The following FAM76A variants were observed in gnomAD, a reference collection of about 807,000 sequenced individuals.
FAM76A encodes family with sequence similarity 76 member A.
A neutral mutation model predicts 46.2 loss-of-function variants in FAM76A; 32 were observed. The observed-to-expected ratio is 0.69, with a 90% CI of 0.52 to 0.93. The LOEUF is 0.93. FAM76A is among the 40% of genes least tolerant of loss of function. The probability of loss-of-function intolerance (pLI) is 0.00; values close to 1 mark genes in which losing one functional copy is unlikely to be tolerated. For synonymous variants in FAM76A, 137 were observed against 127.0 expected, an observed-to-expected ratio of 1.08 and a Z score of -0.53; for missense variants, 274 against 361.5, an observed-to-expected ratio of 0.76 and a Z score of 1.96.
intron 4 of FAM76A, among the ~76,000 whole-genome samples, chr1:27,742,170 G>T (rs558763234): frequency 6.6e-6 from 1 of 152,252 alleles, no homozygotes; most frequent in South Asian, 2.1e-4. Flanking sequence ...TTCAAGATGA[G>T]GCACAAGATC....
chr1:27,759,662 G>A (rs752340683), intron 8 of FAM76A, 35 bp downstream of exon 8: 2 of 1,424,816 alleles, frequency 1.4e-6, no homozygotes, highest in Non-Finnish European at 2.0e-6. Flanking sequence ...TGCTAAAATT[G>A]TGTACCTACC....
chr1:27,735,301 C>G (rs2088026355), intron 4 of FAM76A, among the ~76,000 whole-genome samples: 1 of 152,224 alleles, frequency 6.6e-6, no homozygotes, highest in Admixed American at 6.5e-5. Context: ...CATAGCATCT[C>G]ACATATCGAA....
chr1:27,744,880 C>T (rs1188093606), intron 5 of FAM76A, 69 bp downstream of exon 5: 1 of 1,455,710 alleles, frequency 6.9e-7, no homozygotes, highest in African/African-American at 1.4e-5. Flanking sequence ...ACATAACCAT[C>T]ATGGTACATA....
Position 27,755,418 on chromosome 1 carries a change from T to A in FAM76A, c.735+88T>A, listed in dbSNP as rs543771022. On this transcript the variant is annotated intron_variant, in intron 7 of 8. Transcript: ENST00000373954. ...CATGATAATAACCCTTTTTAACTGA[T>A]GTTTGTTGAGAGCCTATGTCAAGGT... The A allele has an allele frequency of 2.6e-6, 4 of 1,517,766 alleles. No individual in the cohort carries two copies. The African/African-American group carries it at 4.1e-5, about 16-fold the overall frequency. 94.0% of individuals were successfully genotyped at this position (1,517,766 alleles called of 1,614,324 possible). A position where few individuals can be genotyped will look rare whatever the true frequency, so the allele number is the denominator to read the frequency against.
rs990674826 is a variant in FAM76A, at chr1:27,749,000, A to C, written c.513-68A>C. 1.2e-5 allele frequency: 12 copies of C among 1,033,472 alleles called. No homozygotes were observed. In the African/African-American group the frequency reaches 1.8e-4, roughly 15 times the overall value. The allele number at this position is 1,033,472 out of a possible 1,614,324, so 64.0% of individuals were successfully genotyped here. A position where few individuals can be genotyped will look rare whatever the true frequency, so the allele number is the denominator to read the frequency against. On this transcript the variant is annotated intron_variant, in intron 5 of 8. Coordinates refer to ENST00000373954, the MANE Select transcript of FAM76A (RefSeq NM_152660.3). ...GTCTTAACATTGGTCTATTTGACAG[A>C]CTTTCATTGTGATGTTTTGTTAATC...
intron 6 of FAM76A, among the ~76,000 whole-genome samples, chr1:27,752,944 G>C (rs1023889246): frequency 6.6e-6 from 1 of 152,194 alleles, no homozygotes; most frequent in Non-Finnish European, 1.5e-5. Flanking sequence ...TGGATCACCT[G>C]AGGTCGGGAG....
intron 5 of FAM76A, among the ~76,000 whole-genome samples, chr1:27,748,159 T>C (rs1339183754): frequency 7.2e-6 from 1 of 138,102 alleles, no homozygotes; most frequent in Non-Finnish European, 1.5e-5. Flanking sequence ...GGAGTCTTGC[T>C]CTGTCGCCCA....
chr1:27,738,467 ACT>A (rs1044334528), intron 4 of FAM76A, among the ~76,000 whole-genome samples: 5 of 151,466 alleles, frequency 3.3e-5, no homozygotes, highest in East Asian at 3.9e-4. Flanking sequence ...GCAGAGCAAG[ACT>A]CTGTCTCAAA....
chr1:27,746,871 G>A (rs1045025441), intron 5 of FAM76A, among the ~76,000 whole-genome samples: 1 of 152,136 alleles, frequency 6.6e-6, no homozygotes, highest in African/African-American at 2.4e-5. Flanking sequence ...GATGCCAGGA[G>A]TTTGAAACTA....
At chr1:27,737,026 C>A (rs1007581620) in intron 4 of FAM76A, among the ~76,000 whole-genome samples, 2 of 152,086 alleles carry the variant, frequency 1.3e-5, no homozygotes, top group African/African-American at 2.4e-5. Context: ...CTCGGCTCAC[C>A]ACAACCTCCA....
At chr1:27,756,024 A>G (rs1557788014) in intron 7 of FAM76A, among the ~76,000 whole-genome samples, 3 of 152,222 alleles carry the variant, frequency 2.0e-5, no homozygotes, top group African/African-American at 2.4e-5. Context: ...GGTGCTGAAT[A>G]AGCATAGAGT....
At chr1:27,732,422 T>C (rs1233873853) in intron 2 of FAM76A, among the ~76,000 whole-genome samples, 181 bp from the exon 3 acceptor site, 1 of 152,120 alleles carries the variant, frequency 6.6e-6, no homozygotes, top group Non-Finnish European at 1.5e-5. Flanking sequence ...AGTGAGACTC[T>C]GTCTCAAAAA....
Position 27,762,514 on chromosome 1 carries a change from C to T in FAM76A, c.*1933C>T, listed in dbSNP as rs1288480696. ...TAGCATTCTCATAAATGGAGTCCTA[C>T]ACATAATTGGACAGAGATGTGGAAA... On this transcript the variant is annotated 3_prime_UTR_variant, in exon 9 of 9. Transcript: ENST00000373954. 6.6e-6 allele frequency: 1 copy of T among 152,128 alleles called. No individual in the cohort carries two copies. The highest frequency in any genetic ancestry group is 1.9e-4 in the East Asian group (1 of 5,194). 9.4% of individuals were successfully genotyped at this position (152,128 alleles called of 1,614,324 possible).
Position 27,762,361 on chromosome 1 carries a change from G to T in FAM76A, c.*1780G>T, listed in dbSNP as rs749901307. 2 of 152,162 alleles carry T rather than the reference G, an allele frequency of 1.3e-5. No homozygotes were observed. The highest frequency in any genetic ancestry group is 2.4e-5 in the African/African-American group (1 of 41,440). 9.4% of individuals were successfully genotyped at this position (152,162 alleles called of 1,614,324 possible). On this transcript the variant is annotated 3_prime_UTR_variant, in exon 9 of 9. Coordinates refer to ENST00000373954, the MANE Select transcript of FAM76A (RefSeq NM_152660.3). Reference sequence around the variant, plus strand: ...AACCAACTACCCTAGAATCATTTATGCAGGGGGTACTAGAGTTAGAAATAA... The same window carrying T: ...AACCAACTACCCTAGAATCATTTATTCAGGGGGTACTAGAGTTAGAAATAA...
At position 27,762,823 on chromosome 1, in the gene FAM76A, A is replaced by C. The variant is rs1249736963; in HGVS notation, c.*2242A>C. On this transcript the variant is annotated 3_prime_UTR_variant, in exon 9 of 9. Transcript: ENST00000373954. ...ACATGATGTATGACAATATAAAAAC[A>C]TACTTAGTTTTATACTAAATCTTTT... The C allele has an allele frequency of 6.6e-6, 1 of 152,228 alleles. No individual in the cohort carries two copies. Among genetic ancestry groups the C allele is most frequent in the Non-Finnish European group, 1.5e-5 (1 of 68,046 alleles). 9.4% of individuals were successfully genotyped at this position (152,228 alleles called of 1,614,324 possible).
chr1:27,738,517 G>C (rs1430944812), intron 4 of FAM76A, among the ~76,000 whole-genome samples: 2 of 151,608 alleles, frequency 1.3e-5, no homozygotes, highest in Admixed American at 1.3e-4. Context: ...ATAATAAACA[G>C]ACTTTCAGGT....
At chr1:27,759,779 G>GTTTTTTTTTTTTTGTTTTTTTTTGTTT in intron 8 of FAM76A, 152 bp downstream of exon 8, 1 of 332,448 alleles carries the variant, frequency 3.0e-6, no homozygotes, top group African/African-American at 3.4e-5. Context: ...TTTTTTTTTT[G>GTTTTTTTTTTTTTGTTTTTTTTTGTTT]TTTTTTTTTT....
At chr1:27,742,914 T>A (rs2088179218) in intron 4 of FAM76A, among the ~76,000 whole-genome samples, 1 of 151,616 alleles carries the variant, frequency 6.6e-6, no homozygotes, top group Admixed American at 6.6e-5. Context: ...CAAAAAAAAA[T>A]TAGCTGGGTG....
Position 27,734,022 on chromosome 1 carries a change from C to A in FAM76A, c.202-9C>A. On this transcript the variant is annotated splice_polypyrimidine_tract_variant and intron_variant, in intron 3 of 8. Coordinates refer to ENST00000373954, the MANE Select transcript of FAM76A (RefSeq NM_152660.3). ...TAATACTTACTTGACTCTTTTTTCC[C>A]CTTTTAAGCCCAAACCTTGTCAGTA... The A allele has an allele frequency of 6.3e-7, 1 of 1,594,092 alleles. No homozygotes were observed. The highest frequency in any genetic ancestry group is 1.2e-5 in the South Asian group (1 of 86,632).
Sources: gnomAD v4.1 joint callset for allele counts (sites outside exome capture counted in the v4.1 genomes callset) on GRCh38, gnomAD v4.1.1 for gene constraint, MANE v1.5 for transcripts, NCBI Gene and HGNC (gene_info 2026-07-23, HGNC 2026-07-21) for gene names.